TTC19: variants seen among roughly 807,000 people sequenced by gnomAD.
The protein encoded by TTC19 is tetratricopeptide repeat domain 19, also known as tetratricopeptide repeat protein 19, mitochondrial.
In TTC19, 38 loss-of-function variants were observed where a neutral mutation model predicts 49.5. The ratio of observed to expected loss-of-function variants is 0.77; its 90% CI spans 0.59 to 1.01. TTC19 has a LOEUF of 1.01. TTC19 is among the 50% of genes least tolerant of loss of function. TTC19 has a pLI of 0.00. For missense variants in TTC19, 475 were observed against 477.7 expected (o/e 0.99, Z 0.05); for synonymous variants, 204 against 185.2 (o/e 1.10, Z -0.83).
chr17:16,004,289 C>A, intron 6 of TTC19, 27 bp downstream of exon 6: 1 of 1,606,706 alleles, frequency 6.2e-7, no homozygotes, highest in Non-Finnish European at 8.5e-7. Flanking sequence ...GGGAGTAGGA[C>A]TGTGGGCAGG....
intron 2 of TTC19, among the ~76,000 whole-genome samples, chr17:16,042,657 C>T (rs1413267942): frequency 6.6e-6 from 1 of 152,194 alleles, no homozygotes; most frequent in Non-Finnish European, 1.5e-5. Flanking sequence ...GTGAAAGCCA[C>T]TGTGGAGGCC....
At chr17:16,025,323 C>T in intron 8 of TTC19, 152 bp downstream of exon 8, 1 of 794,066 alleles carries the variant, frequency 1.3e-6, no homozygotes, top group Non-Finnish European at 2.0e-6. Context: ...CCAGCACCCT[C>T]ACCCCAACTA....
At chr17:16,025,689 C>G (rs62073587) in intron 8 of TTC19, among the ~76,000 whole-genome samples, 2 of 151,996 alleles carry the variant, frequency 1.3e-5, no homozygotes, top group African/African-American at 4.8e-5. Flanking sequence ...GAATTGAAAT[C>G]ATCTCTTTGG....
rs368465268 is a variant in TTC19, at chr17:16,014,946, C to T, written c.676+8378C>T. Among the ~76,000 whole-genome samples, 5 of 152,218 alleles carry T rather than the reference C, an allele frequency of 3.3e-5. No homozygotes were observed. The South Asian group carries it at 6.2e-4, about 19-fold the overall frequency. On this transcript the variant is annotated intron_variant, in intron 7 of 9. Transcript: ENST00000261647. ...ATTTATTACTATTATATATCTAGAG[C>T]GGACCAGGCTTGCTTGTAGGTTAAT... is the stretch of plus-strand genomic sequence containing the variant.
chr17:16,023,938 G>C (rs1376988143), intron 7 of TTC19: 1 of 152,188 alleles, frequency 6.6e-6, no homozygotes, highest in Non-Finnish European at 1.5e-5. Context: ...AGCTTTGCTG[G>C]TAAATAAACC....
intron 2 of TTC19, chr17:16,039,796 CT>C (rs932257225): frequency 1.0e-3 from 694 of 681,752 alleles, no homozygotes; most frequent in Non-Finnish European, 1.2e-3. Context: ...ACACAGAGAC[CT>C]TTTTTTTTGG....
intron 5 of TTC19, 87 bp from the exon 6 acceptor site, chr17:16,004,114 G>T: frequency 1.5e-6 from 2 of 1,333,992 alleles, no homozygotes; most frequent in Non-Finnish European, 2.2e-6. Context: ...GTGGCTTTGA[G>T]GCCACCGTCA....
chr17:16,001,586 C>T (rs1970735576), intron 2 of TTC19, among the ~76,000 whole-genome samples: 1 of 152,142 alleles, frequency 6.6e-6, no homozygotes, highest in Non-Finnish European at 1.5e-5. Context: ...GCTTACTTGT[C>T]CTATATGGTC....
intron 2 of TTC19, among the ~76,000 whole-genome samples, chr17:16,000,837 A>G (rs1466431176): frequency 6.6e-6 from 1 of 152,136 alleles, no homozygotes; most frequent in Admixed American, 6.6e-5. Context: ...CCCAAAACTA[A>G]ACGATCTTTA....
intron 2 of TTC19, 73 bp from the exon 3 acceptor site, chr17:16,001,842 C>T: frequency 5.0e-6 from 5 of 996,458 alleles, no homozygotes; most frequent in Admixed American, 1.8e-5. Flanking sequence ...TGTACAGTTG[C>T]ATACACTTCT....
At chr17:16,027,070 T>C (rs951598221) in intron 9 of TTC19, 5 of 512,906 alleles carry the variant, frequency 9.7e-6, no homozygotes, top group East Asian at 3.6e-5. Context: ...CATTTCTTAG[T>C]GTCAGCACAC....
chr17:16,042,203 G>A (rs926194043), intron 2 of TTC19, among the ~76,000 whole-genome samples: 6 of 152,158 alleles, frequency 3.9e-5, no homozygotes, highest in South Asian at 2.1e-4. Context: ...CAATGGCCAT[G>A]GATGACAGTC....
At chr17:16,041,252 T>C (rs550382327) in intron 2 of TTC19, 1 of 152,290 alleles carries the variant, frequency 6.6e-6, no homozygotes, top group South Asian at 2.1e-4. Flanking sequence ...GAACCGCCTA[T>C]AATAAAGCAG....
In TTC19 at chr17:16,000,116, A is replaced by G; in HGVS notation, c.185-2A>G. 1 of 1,548,956 alleles carries G rather than the reference A, an allele frequency of 6.5e-7. No homozygotes were observed. ...CGATGACCTCAGAGCCCCTTCCCGC[A>G]GCGCTCGCCTGGTTCTCGAGGCCCG... On this transcript the variant is annotated splice_acceptor_variant, in intron 1 of 9. Coordinates refer to ENST00000261647, the MANE Select transcript of TTC19 (RefSeq NM_017775.4). LOFTEE classifies it high-confidence loss of function.
At chr17:16,000,541 A>G (rs967575047) in intron 2 of TTC19, 11 of 640,586 alleles carry the variant, frequency 1.7e-5, no homozygotes, top group Non-Finnish European at 2.4e-5. Context: ...GGTTTTATCA[A>G]TTAACCAGCC....
downstream of TTC19, among the ~76,000 whole-genome samples, chr17:16,033,714 A>G (rs932069950): frequency 6.6e-6 from 1 of 152,242 alleles, no homozygotes; most frequent in African/African-American, 2.4e-5. Flanking sequence ...CATTAAGTTT[A>G]CAAATAGGCA....
chr17:16,012,505 G>GAGAATAGACA (rs1404960967), intron 7 of TTC19, among the ~76,000 whole-genome samples: 1 of 152,020 alleles, frequency 6.6e-6, no homozygotes, highest in East Asian at 1.9e-4. Context: ...AGAGGATTGT[G>GAGAATAGACA]AGAATAGACA....
At chr17:16,020,229 A>G (rs1409427080) in intron 7 of TTC19, among the ~76,000 whole-genome samples, 3 of 152,156 alleles carry the variant, frequency 2.0e-5, no homozygotes, top group African/African-American at 7.2e-5. Flanking sequence ...TTTTTTTGAT[A>G]ATCTGCTGGG....
intron 7 of TTC19, among the ~76,000 whole-genome samples, chr17:16,009,711 T>C (rs1012649804): frequency 1.3e-5 from 2 of 152,306 alleles, no homozygotes; most frequent in African/African-American, 4.8e-5. Flanking sequence ...GACACAACTA[T>C]CTCTATTCTA....
Sources: allele counts gnomAD v4.1 joint callset (sites outside exome capture counted in the v4.1 genomes callset), GRCh38; gene constraint gnomAD v4.1.1; transcripts MANE v1.5; gene names NCBI Gene and HGNC (gene_info 2026-07-23, HGNC 2026-07-21).